Variants in STK32B observed in about 807,000 individuals in gnomAD.
The protein encoded by STK32B is serine/threonine-protein kinase 32B.
Under a neutral mutation model 52.6 loss-of-function variants are expected in STK32B, and 43 were observed. The ratio of observed to expected loss-of-function variants is 0.82; its 90% CI spans 0.64 to 1.05. The LOEUF is 1.05. Among genes scored for constraint, STK32B ranks in the 50% least tolerant of loss-of-function variants. STK32B has a pLI of 0.00. For missense variants in STK32B, 621 were observed against 534.6 expected (o/e 1.16, Z -1.59); for synonymous variants, 238 against 204.3 (o/e 1.17, Z -1.41).
chr4:5,247,512 T>C (rs1274497709), intron 3 of STK32B, among the ~76,000 whole-genome samples: 1 of 152,198 alleles, frequency 6.6e-6, no homozygotes, highest in African/African-American at 2.4e-5. Flanking sequence ...CCTGACCCCT[T>C]GCACTTCTCG....
At chr4:5,249,743 T>C (rs961628198) in intron 3 of STK32B, among the ~76,000 whole-genome samples, 1 of 152,028 alleles carries the variant, frequency 6.6e-6, no homozygotes, top group Non-Finnish European at 1.5e-5. Context: ...ATTCTCAGTC[T>C]GGCTCTCTCT....
At chr4:5,485,940 C>T (rs561834232) in intron 11 of STK32B, among the ~76,000 whole-genome samples, 10 of 152,306 alleles carry the variant, frequency 6.6e-5, no homozygotes, top group African/African-American at 1.7e-4. Context: ...CTGATCATTC[C>T]TCTGGAAGTT....
chr4:5,113,681 A>G (rs368771289), intron 1 of STK32B, among the ~76,000 whole-genome samples: 17 of 152,230 alleles, frequency 1.1e-4, no homozygotes, highest in African/African-American at 3.9e-4. Flanking sequence ...AAGAAATAAC[A>G]GACTTATCAA....
At chr4:5,231,827 G>A (rs1724292577) in intron 3 of STK32B, among the ~76,000 whole-genome samples, 1 of 152,112 alleles carries the variant, frequency 6.6e-6, no homozygotes, top group South Asian at 2.1e-4. Context: ...GAGATCAATA[G>A]CCCAGGAGGA....
intron 1 of STK32B, among the ~76,000 whole-genome samples, chr4:5,091,047 G>A (rs1029941340): frequency 6.6e-6 from 1 of 152,126 alleles, no homozygotes; most frequent in Admixed American, 6.5e-5. Flanking sequence ...ACATTTAAAT[G>A]AAAATTAACA....
chr4:5,450,964 C>T (rs1715936882), intron 7 of STK32B, among the ~76,000 whole-genome samples: 1 of 152,170 alleles, frequency 6.6e-6, no homozygotes, highest in African/African-American at 2.4e-5. Context: ...TTCCCATCCA[C>T]ACTCTGTGCT....
intron 3 of STK32B, among the ~76,000 whole-genome samples, chr4:5,308,214 C>A (rs531720869): frequency 2.6e-5 from 4 of 152,260 alleles, no homozygotes; most frequent in Non-Finnish European, 5.9e-5. Flanking sequence ...CCTTTGTCTT[C>A]AGAGTTCTTG....
chr4:5,473,847 G>T (rs762760624), intron 11 of STK32B, among the ~76,000 whole-genome samples: 35 of 152,294 alleles, frequency 2.3e-4, no homozygotes, highest in South Asian at 1.2e-3. Flanking sequence ...GGACACGGTG[G>T]TTCACACCTG....
In STK32B at chr4:5,410,184, T is replaced by A. The variant is rs537112274; in HGVS notation, c.473-6661T>A. Among the ~76,000 whole-genome samples the A allele has an allele frequency of 9.5e-4, 145 of 152,216 alleles. 2 individuals are homozygous for A. The highest frequency in any genetic ancestry group is 3.0e-3 in the African/African-American group (124 of 41,500). On this transcript the variant is annotated intron_variant, in intron 5 of 11. Transcript: ENST00000282908. ...AATTATTATTAGCAGAGAGCCAGGGTTGCTGGAAACGGCTGGAGCCTACCA... is the reference window on the plus strand; with the variant it reads ...AATTATTATTAGCAGAGAGCCAGGGATGCTGGAAACGGCTGGAGCCTACCA...
At chr4:5,315,828 C>T (rs7685911) in intron 3 of STK32B, among the ~76,000 whole-genome samples, 1 of 151,166 alleles carries the variant, frequency 6.6e-6, no homozygotes. Context: ...CCTCAGCCTC[C>T]TGAGTAGCTG....
chr4:5,241,682 C>G (rs1158017317), intron 3 of STK32B, among the ~76,000 whole-genome samples: 1 of 151,952 alleles, frequency 6.6e-6, no homozygotes, highest in Non-Finnish European at 1.5e-5. Flanking sequence ...CCCATTAACT[C>G]ATCATTTAGC....
chr4:5,024,205 G>T, the STK32B span, among the ~76,000 whole-genome samples: 1 of 152,190 alleles, frequency 6.6e-6, no homozygotes. Context: ...GGTATTTGTA[G>T]ATGTAATTAG....
intron 3 of STK32B, among the ~76,000 whole-genome samples, chr4:5,328,867 G>A (rs555057061): frequency 6.6e-6 from 1 of 152,172 alleles, no homozygotes; most frequent in Non-Finnish European, 1.5e-5. Flanking sequence ...TCTTTGTTGA[G>A]GGGGAGGAGC....
At chr4:5,424,381 G>A (rs990613038) in intron 6 of STK32B, among the ~76,000 whole-genome samples, 1 of 152,184 alleles carries the variant, frequency 6.6e-6, no homozygotes, top group Non-Finnish European at 1.5e-5. Context: ...TGGGGGCTGG[G>A]TCACCAGTTC....
intron 3 of STK32B, among the ~76,000 whole-genome samples, chr4:5,223,768 G>C (rs1723686671): frequency 1.4e-5 from 2 of 142,514 alleles, no homozygotes; most frequent in South Asian, 4.4e-4. Context: ...AGTGAGCCGA[G>C]ATTGTGCCAC....
At chr4:5,100,134 G>C (rs1254624994) in intron 1 of STK32B, among the ~76,000 whole-genome samples, 1 of 152,196 alleles carries the variant, frequency 6.6e-6, no homozygotes, top group African/African-American at 2.4e-5. Flanking sequence ...CCAGCACAGT[G>C]AGCAATCCCT....
At chr4:5,455,713 G>A (rs4689239) in intron 7 of STK32B, among the ~76,000 whole-genome samples, 92,893 of 151,938 alleles carry the variant, frequency 0.61, 28,629 homozygotes, top group East Asian at 0.7. Context: ...GTTCACTGTC[G>A]CCATGCTCTG....
intron 11 of STK32B, among the ~76,000 whole-genome samples, chr4:5,494,100 TG>T (rs1236591458): frequency 3.0e-4 from 45 of 152,288 alleles, no homozygotes; most frequent in Admixed American, 2.9e-3. Context: ...TAGGTCCACT[TG>T]GTGCAGAGCT....
At chr4:5,419,852 A>G (rs1269812721) in intron 6 of STK32B, among the ~76,000 whole-genome samples, 1 of 152,218 alleles carries the variant, frequency 6.6e-6, no homozygotes, top group Non-Finnish European at 1.5e-5. Context: ...TACTCATGTC[A>G]TTAATCTTTG....
Sources: gnomAD v4.1 joint callset for allele counts (sites outside exome capture counted in the v4.1 genomes callset) on GRCh38, gnomAD v4.1.1 for gene constraint, MANE v1.5 for transcripts, NCBI Gene and HGNC (gene_info 2026-07-23, HGNC 2026-07-21) for gene names.